The following DAB1 variants were observed in gnomAD, a reference collection of about 807,000 sequenced individuals.
DAB1 encodes the protein DAB adaptor protein 1, also known as disabled homolog 1.
Under a neutral mutation model 64.6 loss-of-function variants are expected in DAB1, and 15 were observed. The ratio of observed to expected loss-of-function variants is 0.23; its 90% confidence interval spans 0.16 to 0.36. The LOEUF (loss-of-function observed/expected upper bound fraction) is 0.36, where lower values mean the gene tolerates loss of function less well. Ranked by LOEUF, DAB1 falls within the 10% of genes least tolerant of loss-of-function variation. The probability of loss-of-function intolerance (pLI) is 1.00; values close to 1 mark genes in which losing one functional copy is unlikely to be tolerated. For missense variants in DAB1, 596 were observed against 706.7 expected (o/e 0.84, Z 1.78); for synonymous variants, 235 against 251.9 (o/e 0.93, Z 0.64).
At chr1:58,263,248 A>G (rs1661089732) in intron 4 of DAB1, among the ~76,000 whole-genome samples, 2 of 152,234 alleles carry the variant, frequency 1.3e-5, no homozygotes, top group Admixed American at 6.5e-5. Context: ...TGTTTATAGG[A>G]TGCAGAAATT....
At chr1:57,009,357 C>T (rs1001135783) in intron 14 of DAB1, among the ~76,000 whole-genome samples, 2 of 152,166 alleles carry the variant, frequency 1.3e-5, no homozygotes, top group Non-Finnish European at 1.5e-5. Context: ...CTAAGTGAAT[C>T]GTAGGTGGTT....
At chr1:57,778,668 C>T (rs998453787) in intron 6 of DAB1, among the ~76,000 whole-genome samples, 1 of 152,082 alleles carries the variant, frequency 6.6e-6, no homozygotes, top group Non-Finnish European at 1.5e-5. Flanking sequence ...TCTAGTTCTT[C>T]CATTCGCCAT....
intron 5 of DAB1, among the ~76,000 whole-genome samples, chr1:58,020,580 T>C (rs1024957969): frequency 6.6e-6 from 1 of 152,210 alleles, no homozygotes; most frequent in African/African-American, 2.4e-5. Flanking sequence ...CTGTGAATGG[T>C]TCCTCTCAGA....
At chr1:57,751,625 A>C (rs1648556859) in intron 6 of DAB1, among the ~76,000 whole-genome samples, 1 of 152,098 alleles carries the variant, frequency 6.6e-6, no homozygotes, top group South Asian at 2.1e-4. Flanking sequence ...GACAGAGAAA[A>C]AGGAGAAGGA....
chr1:57,856,833 G>T (rs1260007482), intron 1 of DAB1, among the ~76,000 whole-genome samples: 3 of 152,154 alleles, frequency 2.0e-5, no homozygotes, highest in Non-Finnish European at 4.4e-5. Context: ...GGGTCTCAAT[G>T]GGGATGTGTT....
chr1:57,498,290 G>A (rs1644252480), intron 7 of DAB1, among the ~76,000 whole-genome samples: 1 of 152,180 alleles, frequency 6.6e-6, no homozygotes, highest in Non-Finnish European at 1.5e-5. Flanking sequence ...GATGCAATCT[G>A]AGCAGTGGTC....
chr1:57,998,145 A>G (rs1056275116), intron 5 of DAB1, among the ~76,000 whole-genome samples: 1 of 152,170 alleles, frequency 6.6e-6, no homozygotes, highest in Non-Finnish European at 1.5e-5. Context: ...GCCAGAGACA[A>G]TGTAGTATAA....
intron 4 of DAB1, among the ~76,000 whole-genome samples, chr1:58,267,639 G>A (rs966345512): frequency 2.0e-5 from 3 of 152,164 alleles, no homozygotes; most frequent in Non-Finnish European, 4.4e-5. Context: ...CCTGGGATGG[G>A]GAAGGATGGT....
At chr1:57,325,228 C>T (rs1676057488) in intron 1 of DAB1, among the ~76,000 whole-genome samples, 1 of 152,204 alleles carries the variant, frequency 6.6e-6, no homozygotes, top group Non-Finnish European at 1.5e-5. Context: ...TCCCTTGGCA[C>T]ATCTCTGTAC....
At chr1:57,122,615 G>A (rs1656761825) in intron 4 of DAB1, among the ~76,000 whole-genome samples, 1 of 152,126 alleles carries the variant, frequency 6.6e-6, no homozygotes, top group African/African-American at 2.4e-5. Context: ...AAACTGATGA[G>A]TGCCATGGGA....
At chr1:58,159,039 C>T (rs994028045) in intron 4 of DAB1, among the ~76,000 whole-genome samples, 15 of 152,140 alleles carry the variant, frequency 9.9e-5, no homozygotes, top group African/African-American at 2.4e-4. Context: ...AATCTGATTT[C>T]GTCTAATTCT....
chr1:57,176,420 C>T (rs1662321458), intron 2 of DAB1, among the ~76,000 whole-genome samples: 1 of 152,054 alleles, frequency 6.6e-6, no homozygotes, highest in Admixed American at 6.6e-5. Flanking sequence ...GACTCATTCA[C>T]TATCAAGAGA....
chr1:58,003,640 C>T (rs1646538665), intron 5 of DAB1, among the ~76,000 whole-genome samples: 1 of 152,186 alleles, frequency 6.6e-6, no homozygotes, highest in African/African-American at 2.4e-5. Context: ...CTCCGGGGTC[C>T]ACATCAATGC....
chr1:58,402,081 T>G (rs1644574545), intron 3 of DAB1, among the ~76,000 whole-genome samples: 1 of 152,060 alleles, frequency 6.6e-6, no homozygotes, highest in African/African-American at 2.4e-5. Flanking sequence ...TGGAGATGAG[T>G]ATACTCTGGC....
At chr1:57,170,574 C>T (rs1421434260) in intron 2 of DAB1, among the ~76,000 whole-genome samples, 1 of 152,080 alleles carries the variant, frequency 6.6e-6, no homozygotes, top group Non-Finnish European at 1.5e-5. Context: ...AACTGAGATT[C>T]AGGGAGGTGC....
intron 6 of DAB1, among the ~76,000 whole-genome samples, chr1:57,816,994 A>T (rs1651885912): frequency 6.6e-6 from 1 of 152,090 alleles, no homozygotes; most frequent in South Asian, 2.1e-4. Context: ...TTATCTCATA[A>T]TTCTATTATG....
chr1:57,722,998 C>T (rs1647169271), intron 6 of DAB1, among the ~76,000 whole-genome samples: 1 of 152,128 alleles, frequency 6.6e-6, no homozygotes, highest in African/African-American at 2.4e-5. Context: ...CTCCCATCTC[C>T]AAAAGCTTTC....
At chr1:57,029,601 C>A (rs970675715) in intron 9 of DAB1, among the ~76,000 whole-genome samples, 10 of 152,190 alleles carry the variant, frequency 6.6e-5, no homozygotes, top group African/African-American at 2.4e-4. Flanking sequence ...CCCTGCAAAG[C>A]CACAGGGGAA....
chr1:58,094,020 T>C (rs956617793), intron 5 of DAB1, among the ~76,000 whole-genome samples: 1 of 152,188 alleles, frequency 6.6e-6, no homozygotes, highest in African/African-American at 2.4e-5. Flanking sequence ...AAGATGGTCC[T>C]GATTGGTGGA....
Sources: gnomAD v4.1 joint callset for allele counts (sites outside exome capture counted in the v4.1 genomes callset) on GRCh38, gnomAD v4.1.1 for gene constraint, MANE v1.5 for transcripts, NCBI Gene and HGNC (gene_info 2026-07-23, HGNC 2026-07-21) for gene names.